PNKD: variants seen among roughly 807,000 people sequenced by gnomAD.
The protein encoded by PNKD is probable thioesterase PNKD.
PNKD carries 36 observed loss-of-function variants against 45.3 expected under a neutral mutation model. The observed-to-expected ratio is 0.80, with a 90% CI of 0.61 to 1.05. The LOEUF (loss-of-function observed/expected upper bound fraction) is 1.05, where lower values mean the gene tolerates loss of function less well. Ranked by LOEUF, PNKD falls within the 50% of genes least tolerant of loss-of-function variation. The probability of loss-of-function intolerance (pLI) is 0.00; values close to 1 mark genes in which losing one functional copy is unlikely to be tolerated. For missense variants in PNKD, 511 were observed against 506.6 expected, an observed-to-expected ratio of 1.01 and a Z score of -0.08; for synonymous variants, 197 against 210.1, an observed-to-expected ratio of 0.94 and a Z score of 0.54.
At chr2:218,306,047 A>G (rs1347449607) in intron 2 of PNKD, among the ~76,000 whole-genome samples, 3 of 152,108 alleles carry the variant, frequency 2.0e-5, no homozygotes, top group Non-Finnish European at 4.4e-5. Flanking sequence ...GGTACCTGGT[A>G]TCTTGAGGAA....
chr2:218,321,900 A>T (rs914666300), intron 2 of PNKD, among the ~76,000 whole-genome samples: 7 of 149,288 alleles, frequency 4.7e-5, no homozygotes, highest in Non-Finnish European at 7.4e-5. Flanking sequence ...TGCTGGGATT[A>T]AGCGTGAGCC....
At chr2:218,335,012 C>T (rs1694446233) in intron 2 of PNKD, among the ~76,000 whole-genome samples, 1 of 151,940 alleles carries the variant, frequency 6.6e-6, no homozygotes, top group Non-Finnish European at 1.5e-5. Flanking sequence ...ATTAGCTGGG[C>T]ATGTCTGCTC....
At chr2:218,339,953 G>T in intron 3 of PNKD, 55 bp downstream of exon 3, 1 of 924,146 alleles carries the variant, frequency 1.1e-6, no homozygotes, top group Non-Finnish European at 1.6e-6. Flanking sequence ...CACCCTCCCC[G>T]CCTGCTCCCC....
chr2:218,320,217 A>G (rs2106271851), intron 2 of PNKD, among the ~76,000 whole-genome samples: 1 of 151,930 alleles, frequency 6.6e-6, no homozygotes, highest in East Asian at 1.9e-4. Context: ...CCTTGGCCCT[A>G]CTCTTTTTTG....
intron 2 of PNKD, among the ~76,000 whole-genome samples, chr2:218,313,676 C>T (rs142455760): frequency 3.3e-5 from 5 of 152,122 alleles, no homozygotes; most frequent in Non-Finnish European, 7.4e-5. Context: ...TGGGCTGATC[C>T]CTAAAACAGA....
chr2:218,278,472 ATCCCTG>A, intron 2 of PNKD: 1 of 1,600,312 alleles, frequency 6.2e-7, no homozygotes, highest in Non-Finnish European at 8.6e-7. Context: ...CCCCATCCCA[ATCCCTG>A]TCACCCCTCT....
intron 2 of PNKD, among the ~76,000 whole-genome samples, chr2:218,329,956 G>C (rs1299955593): frequency 6.6e-6 from 1 of 152,188 alleles, no homozygotes; most frequent in Non-Finnish European, 1.5e-5. Context: ...CCCTGTCGTT[G>C]GTGAGATGCA....
At chr2:218,315,569 C>G (rs1417798290) in intron 2 of PNKD, among the ~76,000 whole-genome samples, 5 of 152,176 alleles carry the variant, frequency 3.3e-5, no homozygotes, top group African/African-American at 1.2e-4. Flanking sequence ...TAATAAATGC[C>G]TTTAAGAATA....
At chr2:218,312,615 G>GT (rs1312775203) in intron 2 of PNKD, among the ~76,000 whole-genome samples, 1 of 151,326 alleles carries the variant, frequency 6.6e-6, no homozygotes, top group African/African-American at 2.4e-5. Context: ...GCTCATGCCT[G>GT]TAATCCCAGC....
intron 2 of PNKD, chr2:218,323,393 G>T (rs1290931762): frequency 1.6e-5 from 25 of 1,577,570 alleles, no homozygotes; most frequent in Non-Finnish European, 2.1e-5. Flanking sequence ...TCCGCGGTCT[G>T]CTCATGGCGC....
intron 2 of PNKD, chr2:218,277,959 C>A: frequency 6.2e-7 from 1 of 1,614,170 alleles, no homozygotes; most frequent in Non-Finnish European, 8.5e-7. Context: ...GAATGATGTT[C>A]CATGGGAAAC....
chr2:218,341,423 G>A (rs1694669538), intron 5 of PNKD, 111 bp from the exon 6 acceptor site: 2 of 691,574 alleles, frequency 2.9e-6, no homozygotes, highest in Non-Finnish European at 5.0e-6. Flanking sequence ...ACTTGGCTTA[G>A]TCCAGAAGCC....
At chr2:218,334,524 G>A (rs758483543) in intron 2 of PNKD, among the ~76,000 whole-genome samples, 11 of 152,118 alleles carry the variant, frequency 7.2e-5, no homozygotes, top group African/African-American at 1.2e-4. Flanking sequence ...ATGGTGGCAC[G>A]CACCTGTAGT....
intron 2 of PNKD, among the ~76,000 whole-genome samples, chr2:218,323,877 A>G (rs545367995): frequency 6.6e-6 from 1 of 151,670 alleles, no homozygotes; most frequent in East Asian, 1.9e-4. Context: ...AAAACCGCCA[A>G]CTCCTTTCGT....
At chr2:218,283,686 A>G (rs978686040) in intron 2 of PNKD, among the ~76,000 whole-genome samples, 4 of 152,182 alleles carry the variant, frequency 2.6e-5, no homozygotes, top group African/African-American at 9.7e-5. Flanking sequence ...GGGATCAAAT[A>G]AAGGACTGTC....
At chr2:218,323,309 C>T (rs1333216484) in intron 2 of PNKD, 2 of 1,560,046 alleles carry the variant, frequency 1.3e-6, no homozygotes, top group Non-Finnish European at 1.7e-6. Flanking sequence ...AGTGGGTCGC[C>T]GGCTGCTGGC....
chr2:218,322,426 G>A (rs374430685), intron 2 of PNKD, among the ~76,000 whole-genome samples: 1 of 152,194 alleles, frequency 6.6e-6, no homozygotes, highest in Non-Finnish European at 1.5e-5. Context: ...AGCTGGGAAC[G>A]GTGATGTGGA....
intron 2 of PNKD, among the ~76,000 whole-genome samples, chr2:218,325,618 G>A (rs1694128562): frequency 6.6e-6 from 1 of 152,154 alleles, no homozygotes; most frequent in Non-Finnish European, 1.5e-5. Context: ...AAATTAGTAA[G>A]TTTGAGGTCA....
At chr2:218,293,363 C>T (rs1295615717) in intron 2 of PNKD, among the ~76,000 whole-genome samples, 6 of 152,208 alleles carry the variant, frequency 3.9e-5, no homozygotes, top group African/African-American at 1.4e-4. Context: ...CAGAGGATGG[C>T]TTGAGCCCAG....
Sources: gnomAD v4.1 joint callset for allele counts (sites outside exome capture counted in the v4.1 genomes callset) on GRCh38, gnomAD v4.1.1 for gene constraint, MANE v1.5 for transcripts, NCBI Gene and HGNC (gene_info 2026-07-23, HGNC 2026-07-21) for gene names.